The following CHSY3 variants were observed in gnomAD, a reference collection of about 807,000 sequenced individuals.
The protein encoded by CHSY3 is N-acetylgalactosaminyl-proteoglycan 3-beta-glucuronosyltransferase 3.
Under a neutral mutation model 67.2 loss-of-function variants are expected in CHSY3, and 35 were observed. That is an observed-to-expected ratio of 0.52 (90% confidence interval 0.40 to 0.69). The LOEUF (loss-of-function observed/expected upper bound fraction) is 0.69, where lower values mean the gene tolerates loss of function less well. Among genes scored for constraint, CHSY3 ranks in the 30% least tolerant of loss-of-function variants. CHSY3 has a pLI of 0.00. For synonymous variants in CHSY3, 474 were observed against 434.7 expected, an observed-to-expected ratio of 1.09 and a Z score of -1.12; for missense variants, 1,069 against 1,138.5, an observed-to-expected ratio of 0.94 and a Z score of 0.88.
chr5:130,144,777 C>A (rs1438044345), intron 2 of CHSY3, among the ~76,000 whole-genome samples: 1 of 152,086 alleles, frequency 6.6e-6, no homozygotes, highest in Non-Finnish European at 1.5e-5. Context: ...CTATAGTAAC[C>A]AAACGTATTA....
At chr5:129,991,652 G>A (rs540477219) in intron 2 of CHSY3, among the ~76,000 whole-genome samples, 1 of 152,074 alleles carries the variant, frequency 6.6e-6, no homozygotes, top group African/African-American at 2.4e-5. Context: ...AATTCTATAA[G>A]TAATGTAACT....
intron 2 of CHSY3, among the ~76,000 whole-genome samples, chr5:129,936,459 C>T (rs1377245906): frequency 1.3e-5 from 2 of 152,218 alleles, no homozygotes; most frequent in East Asian, 3.9e-4. Flanking sequence ...TGCAAGGGCA[C>T]TCACCAGACC....
At chr5:130,068,783 G>A (rs1196171435) in intron 2 of CHSY3, among the ~76,000 whole-genome samples, 1 of 152,132 alleles carries the variant, frequency 6.6e-6, no homozygotes, top group African/African-American at 2.4e-5. Context: ...CCACTGTCAG[G>A]TTCTGGCTCG....
At chr5:130,143,342 G>T (rs1768931332) in intron 2 of CHSY3, among the ~76,000 whole-genome samples, 1 of 152,038 alleles carries the variant, frequency 6.6e-6, no homozygotes, top group South Asian at 2.1e-4. Context: ...CAGACCATGA[G>T]ACAAAGGGAT....
intron 2 of CHSY3, among the ~76,000 whole-genome samples, chr5:130,023,851 T>C (rs1038181928): frequency 1.3e-5 from 2 of 151,844 alleles, no homozygotes; most frequent in Non-Finnish European, 2.9e-5. Context: ...TAGGAGGAAA[T>C]GCTTGTTCTC....
intron 2 of CHSY3, among the ~76,000 whole-genome samples, chr5:130,089,745 G>A (rs1766812962): frequency 6.6e-6 from 1 of 152,110 alleles, no homozygotes; most frequent in Non-Finnish European, 1.5e-5. Context: ...TGTTGTATGT[G>A]TATAATAATA....
At chr5:130,179,387 A>G (rs546924840) in intron 2 of CHSY3, among the ~76,000 whole-genome samples, 2 of 152,082 alleles carry the variant, frequency 1.3e-5, no homozygotes, top group East Asian at 1.9e-4. Flanking sequence ...CCTCCTATCA[A>G]TATGATTTCT....
chr5:130,065,889 A>G (rs1765868046), intron 2 of CHSY3, among the ~76,000 whole-genome samples: 1 of 152,104 alleles, frequency 6.6e-6, no homozygotes, highest in Admixed American at 6.6e-5. Context: ...CAGGGCCTAC[A>G]AGTTTTTAAA....
chr5:129,922,989 C>T (rs1760974126), intron 2 of CHSY3, among the ~76,000 whole-genome samples: 1 of 152,114 alleles, frequency 6.6e-6, no homozygotes, highest in Non-Finnish European at 1.5e-5. Context: ...TAGGTGAGCA[C>T]CGTGATCAGA....
At chr5:130,063,600 CAGG>C (rs1196835592) in intron 2 of CHSY3, among the ~76,000 whole-genome samples, 1 of 152,056 alleles carries the variant, frequency 6.6e-6, no homozygotes, top group Admixed American at 6.6e-5. Flanking sequence ...TTTCATCTCC[CAGG>C]AGTTCTGTTA....
chr5:129,966,408 A>G (rs542515742), intron 2 of CHSY3, among the ~76,000 whole-genome samples: 1 of 151,954 alleles, frequency 6.6e-6, no homozygotes, highest in South Asian at 2.1e-4. Context: ...TACTTGCCAG[A>G]TAACCGTTAT....
chr5:130,011,707 T>C (rs1228790640), intron 2 of CHSY3, among the ~76,000 whole-genome samples: 10 of 152,186 alleles, frequency 6.6e-5, no homozygotes, highest in African/African-American at 1.9e-4. Context: ...ATTTTGTACT[T>C]AGAAAATGCC....
intron 2 of CHSY3, among the ~76,000 whole-genome samples, chr5:129,983,384 A>G (rs1310428425): frequency 1.3e-5 from 2 of 152,078 alleles, no homozygotes; most frequent in Non-Finnish European, 2.9e-5. Context: ...TCCTACATCC[A>G]TATTTGTCAA....
intron 2 of CHSY3, among the ~76,000 whole-genome samples, chr5:130,029,830 A>G (rs1211853531): frequency 6.6e-6 from 1 of 151,716 alleles, no homozygotes; most frequent in South Asian, 2.1e-4. Flanking sequence ...TCTCCTACCA[A>G]CCCCCATCCC....
At chr5:130,166,379 A>T (rs1225151837) in intron 2 of CHSY3, among the ~76,000 whole-genome samples, 1 of 152,136 alleles carries the variant, frequency 6.6e-6, no homozygotes, top group African/African-American at 2.4e-5. Context: ...TCATTTTATT[A>T]AACTTACCCT....
In CHSY3 at chr5:130,184,958, T is replaced by C. The variant is rs1438653986; in HGVS notation, c.1816T>C (p.Ser606Pro). 6.4e-7 allele frequency: 1 copy of C among 1,567,076 alleles called. No homozygotes were observed. The highest frequency in any genetic ancestry group is 2.2e-5 in the East Asian group (1 of 44,594). Residue 606 changes from serine (S) to proline (P), a missense_variant, in exon 3 of 3, where the codon TCT (serine) becomes CCT (proline). Physicochemically the swap from Ser to Pro is moderately conservative, Grantham distance 74. Transcript: ENST00000305031. ...ATCTAATTCTTTAAAGATATTATCT[T>C]CTTTTCAAGGTGCCAAAGAAATGGG... is the stretch of plus-strand genomic sequence containing the variant. ...FISNSLKILSSFQGAKEMGGH... is the reference protein window; with the variant it reads ...FISNSLKILSPFQGAKEMGGH...
intron 2 of CHSY3, among the ~76,000 whole-genome samples, chr5:129,954,697 C>T: frequency 6.6e-6 from 1 of 152,070 alleles, no homozygotes; most frequent in East Asian, 1.9e-4. Context: ...AGGTCCTTCA[C>T]ATTCCTTGTA....
In CHSY3 at chr5:130,086,849, C is replaced by T. The variant is rs780652397; in HGVS notation, c.1087-97380C>T. Among the ~76,000 whole-genome samples, 782 of 151,896 alleles carry T rather than the reference C, an allele frequency of 5.1e-3. 1 individual carries two copies. Among genetic ancestry groups the T allele is most frequent in the Non-Finnish European group, 7.6e-3 (516 of 67,760 alleles). ...TCCAATCAATAGAAAAAGAGGGAAT[C>T]CTCCCTAACTCATTTTATGAGGCCA... On this transcript the variant is annotated intron_variant, in intron 2 of 2. Coordinates refer to ENST00000305031, the MANE Select transcript of CHSY3 (RefSeq NM_175856.5).
At chr5:129,958,484 C>T (rs1301075872) in intron 2 of CHSY3, among the ~76,000 whole-genome samples, 2 of 152,090 alleles carry the variant, frequency 1.3e-5, no homozygotes, top group African/African-American at 4.8e-5. Context: ...ATTAGAAAGC[C>T]CTCCAGGTCA....
Sources: allele counts gnomAD v4.1 joint callset (sites outside exome capture counted in the v4.1 genomes callset), GRCh38; gene constraint gnomAD v4.1.1; transcripts MANE v1.5; gene names NCBI Gene and HGNC (gene_info 2026-07-23, HGNC 2026-07-21).